Variants in BLTP1 observed in about 807,000 individuals in gnomAD.
The protein encoded by BLTP1 is bridge-like lipid transfer protein family member 1.
At chr4:122,154,627 A>G in the BLTP1 span, among the ~76,000 whole-genome samples, 9 of 152,292 alleles carry the variant, frequency 5.9e-5, no homozygotes, top group Middle Eastern at 3.4e-3. Context: ...TAATCCCAGC[A>G]CTTTGGGAGG....
chr4:122,269,838 G>GT, the BLTP1 span, among the ~76,000 whole-genome samples: 6 of 152,064 alleles, frequency 3.9e-5, no homozygotes, highest in East Asian at 9.6e-4. Flanking sequence ...GTAGCTGCAC[G>GT]TATCAGGGAC....
At chr4:122,188,394 A>T in the BLTP1 span, 1 of 207,618 alleles carries the variant, frequency 4.8e-6, no homozygotes, top group Non-Finnish European at 8.4e-6. Context: ...GTTAGGAGAT[A>T]CACATTACAG....
At chr4:122,261,358 T>G in the BLTP1 span, 1 of 984,666 alleles carries the variant, frequency 1.0e-6, no homozygotes, top group Non-Finnish European at 1.2e-6. Context: ...TTGAACATTC[T>G]TTTGCTATGG....
the BLTP1 span, among the ~76,000 whole-genome samples, chr4:122,216,242 G>A: frequency 6.6e-6 from 1 of 152,104 alleles, no homozygotes; most frequent in East Asian, 1.9e-4. Flanking sequence ...GTGTGTGCAA[G>A]TGTCTTTTTC....
the BLTP1 span, chr4:122,153,116 G>A: frequency 2.8e-6 from 2 of 713,674 alleles, no homozygotes; most frequent in Non-Finnish European, 3.4e-6. Context: ...AAAGGAAGGT[G>A]AAGAGAAGTT....
At chr4:122,343,273 T>G in the BLTP1 span, 1 of 1,113,266 alleles carries the variant, frequency 9.0e-7, no homozygotes, top group Non-Finnish European at 1.2e-6. Flanking sequence ...TTAAATCTAT[T>G]GATCTGTTAA....
At chr4:122,342,417 G>A in the BLTP1 span, among the ~76,000 whole-genome samples, 1 of 151,726 alleles carries the variant, frequency 6.6e-6, no homozygotes, top group Admixed American at 6.6e-5. Flanking sequence ...GTGTAGTGGC[G>A]CCATCTCAGC....
the BLTP1 span, among the ~76,000 whole-genome samples, chr4:122,338,610 G>A: frequency 6.6e-6 from 1 of 152,108 alleles, no homozygotes; most frequent in Non-Finnish European, 1.5e-5. Context: ...GAGACTGGCT[G>A]TAGGACTACC....
At chr4:122,356,527 G>A in the BLTP1 span, 7 of 1,277,384 alleles carry the variant, frequency 5.5e-6, no homozygotes, top group Non-Finnish European at 6.5e-6. Flanking sequence ...CTTTACAGTT[G>A]CATTTCATGT....
chr4:122,197,909 G>A, the BLTP1 span: 1 of 896,620 alleles, frequency 1.1e-6, no homozygotes, highest in Non-Finnish European at 1.3e-6. Context: ...ACTTCATTTT[G>A]CCTTGTAATT....
chr4:122,311,082 A>G, the BLTP1 span: 1 of 165,502 alleles, frequency 6.0e-6, no homozygotes, highest in Admixed American at 6.5e-5. Context: ...CCATCATTGT[A>G]TTTATTAAAA....
At chr4:122,185,395 G>A in the BLTP1 span, 6 of 985,232 alleles carry the variant, frequency 6.1e-6, no homozygotes, top group Non-Finnish European at 6.0e-6. Context: ...TTTCTTCTGT[G>A]GCTCTCTTTG....
chr4:122,257,667 A>C, the BLTP1 span, among the ~76,000 whole-genome samples: 1 of 152,210 alleles, frequency 6.6e-6, no homozygotes, highest in African/African-American at 2.4e-5. Flanking sequence ...TCACAGTTAC[A>C]AATAAATTAC....
the BLTP1 span, chr4:122,282,050 C>T: frequency 1.0e-6 from 1 of 974,558 alleles, no homozygotes; most frequent in Non-Finnish European, 1.2e-6. Context: ...AGAAATTAAC[C>T]CATTTCTACA....
chr4:122,362,322 A>G, the BLTP1 span: 3 of 1,115,540 alleles, frequency 2.7e-6, no homozygotes, highest in African/African-American at 4.8e-5. Flanking sequence ...TAGTATAATA[A>G]TTTGAAATAT....
the BLTP1 span, chr4:122,310,827 T>C: frequency 5.6e-6 from 2 of 358,832 alleles, no homozygotes; most frequent in Non-Finnish European, 7.8e-6. Context: ...TTTAGATAAT[T>C]ATAGGTAAAA....
At chr4:122,249,722 A>G in the BLTP1 span, 2 of 1,608,302 alleles carry the variant, frequency 1.2e-6, no homozygotes, top group Non-Finnish European at 1.7e-6. Context: ...GGTGGGGACA[A>G]ATATGTCCTA....
the BLTP1 span, chr4:122,266,852 A>G: frequency 6.2e-7 from 1 of 1,611,804 alleles, no homozygotes; most frequent in South Asian, 1.1e-5. Flanking sequence ...CTGCTACCGA[A>G]TGTACTTTGG....
the BLTP1 span, among the ~76,000 whole-genome samples, chr4:122,355,037 T>C: frequency 5.3e-5 from 8 of 152,026 alleles, no homozygotes; most frequent in Non-Finnish European, 1.0e-4. Flanking sequence ...GGCCATCTCA[T>C]GGATTGAATA....
Sources: gnomAD v4.1 joint callset for allele counts (sites outside exome capture counted in the v4.1 genomes callset) on GRCh38, gnomAD v4.1.1 for gene constraint, MANE v1.5 for transcripts, NCBI Gene and HGNC (gene_info 2026-07-23, HGNC 2026-07-21) for gene names.